PCDH15: variants seen among roughly 807,000 people sequenced by gnomAD.
PCDH15 encodes protocadherin related 15.
PCDH15 carries 129 observed loss-of-function variants against 178.5 expected under a neutral mutation model. The ratio of observed to expected loss-of-function variants is 0.72; its 90% confidence interval spans 0.63 to 0.84. PCDH15 has a LOEUF of 0.84. Ranked by LOEUF, PCDH15 falls within the 40% of genes least tolerant of loss-of-function variation. The pLI is 0.00. For missense variants in PCDH15, 2,230 were observed against 2,099.9 expected (o/e 1.06, Z -1.21); for synonymous variants, 800 against 732.0 (o/e 1.09, Z -1.50).
At chr10:54,912,772 A>G (rs1954839378) in intron 2 of PCDH15, among the ~76,000 whole-genome samples, 1 of 152,182 alleles carries the variant, frequency 6.6e-6, no homozygotes, top group African/African-American at 2.4e-5. Context: ...AAGATGAGGG[A>G]AAGTTTGGAA....
At chr10:55,407,424 C>T (rs934500213) in intron 2 of PCDH15, among the ~76,000 whole-genome samples, 31 of 152,252 alleles carry the variant, frequency 2.0e-4, no homozygotes, top group African/African-American at 7.0e-4. Flanking sequence ...GTATTATAGA[C>T]TCTTCTCTTT....
At chr10:54,657,597 G>A (rs1191125355) in intron 2 of PCDH15, among the ~76,000 whole-genome samples, 2 of 152,026 alleles carry the variant, frequency 1.3e-5, no homozygotes, top group African/African-American at 4.8e-5. Flanking sequence ...ACCATACAAA[G>A]ATTACCCACA....
chr10:55,538,617 TC>T (rs1841663785), intron 2 of PCDH15, among the ~76,000 whole-genome samples: 1 of 50,612 alleles, frequency 2.0e-5, no homozygotes, highest in Non-Finnish European at 3.4e-5. Context: ...CTTCCTTCCT[TC>T]CTCCTTTCCT....
chr10:54,211,875 T>C lies in PCDH15; in HGVS notation c.1098+2061A>G, dbSNP rs576008989. ...TATTCAAGCAGGTGGCACATTATTA[T>C]TACAGTTAGATACCTTTGCTTATTA... is the stretch of plus-strand genomic sequence containing the variant. On this transcript the variant is annotated intron_variant, in intron 10 of 37. Transcript: ENST00000644397. Among the ~76,000 whole-genome samples, 3 of 152,220 alleles carry C rather than the reference T, an allele frequency of 2.0e-5. No individual in the cohort carries two copies. In the South Asian group the frequency reaches 6.2e-4, roughly 32 times the overall value.
At chr10:55,238,807 G>A (rs1841464004) in intron 1 of PCDH15, among the ~76,000 whole-genome samples, 1 of 152,006 alleles carries the variant, frequency 6.6e-6, no homozygotes, top group Admixed American at 6.5e-5. Context: ...AAGGTGTAAT[G>A]ACCAAATTAA....
intron 8 of PCDH15, among the ~76,000 whole-genome samples, chr10:54,256,385 C>T (rs1271837098): frequency 6.6e-6 from 1 of 152,114 alleles, no homozygotes; most frequent in East Asian, 1.9e-4. Flanking sequence ...ATAGGTTGTC[C>T]TAATTAATTA....
chr10:54,266,582 G>A (rs567332195), intron 8 of PCDH15, among the ~76,000 whole-genome samples: 1 of 151,820 alleles, frequency 6.6e-6, no homozygotes, highest in African/African-American at 2.4e-5. Context: ...AAAAAGAGAA[G>A]ATCCAAATAA....
intron 25 of PCDH15, chr10:53,905,139 AT>A (rs1159150254): frequency 5.8e-6 from 3 of 516,812 alleles, no homozygotes; most frequent in Non-Finnish European, 1.2e-5. Flanking sequence ...ATCTTGTGTC[AT>A]TTTTCTCTCA....
intron 2 of PCDH15, among the ~76,000 whole-genome samples, chr10:55,529,557 T>A (rs917727296): frequency 2.6e-5 from 4 of 151,454 alleles, no homozygotes; most frequent in Admixed American, 6.6e-5. Flanking sequence ...TATTTACAAA[T>A]CCATGTGAGA....
At chr10:55,418,965 A>G (rs1205548584) in intron 2 of PCDH15, among the ~76,000 whole-genome samples, 1 of 151,808 alleles carries the variant, frequency 6.6e-6, no homozygotes, top group Non-Finnish European at 1.5e-5. Flanking sequence ...TGAAAACATT[A>G]TAATATCTAC....
At chr10:54,398,896 C>A (rs73251622) in intron 3 of PCDH15, among the ~76,000 whole-genome samples, 1 of 151,940 alleles carries the variant, frequency 6.6e-6, no homozygotes, top group Non-Finnish European at 1.5e-5. Context: ...TGTATACAAA[C>A]CTTAAAGTTC....
At chr10:54,781,020 G>T (rs1035422267) in intron 1 of PCDH15, among the ~76,000 whole-genome samples, 1 of 152,154 alleles carries the variant, frequency 6.6e-6, no homozygotes, top group Non-Finnish European at 1.5e-5. Context: ...ATATGGAGAA[G>T]TTTATCTTGG....
chr10:53,971,928 G>GA (rs2089728154), intron 21 of PCDH15, among the ~76,000 whole-genome samples: 1 of 150,280 alleles, frequency 6.7e-6, no homozygotes, highest in South Asian at 2.1e-4. Flanking sequence ...CACAGAATTG[G>GA]AAAAAACTAC....
At chr10:55,462,008 G>A (rs765494457) in intron 2 of PCDH15, among the ~76,000 whole-genome samples, 1 of 152,158 alleles carries the variant, frequency 6.6e-6, no homozygotes, top group Non-Finnish European at 1.5e-5. Context: ...CCTTCATTAT[G>A]GCTGTGAAAG....
intron 1 of PCDH15, among the ~76,000 whole-genome samples, chr10:54,778,882 A>T (rs1949980368): frequency 6.6e-6 from 1 of 152,150 alleles, no homozygotes; most frequent in African/African-American, 2.4e-5. Flanking sequence ...GCATCAAAGA[A>T]AAAAATACAC....
At chr10:53,842,717 T>G (rs1206673159) in intron 28 of PCDH15, among the ~76,000 whole-genome samples, 1 of 152,226 alleles carries the variant, frequency 6.6e-6, no homozygotes, top group African/African-American at 2.4e-5. Flanking sequence ...CTTCCTTGTC[T>G]CAAATTCATT....
Position 54,664,244 on chromosome 10 carries a change from G to T in PCDH15, c.19C>A (p.Leu7Ile), listed in dbSNP as rs762092314. 38 of 1,611,602 alleles carry T rather than the reference G, an allele frequency of 2.4e-5. No homozygotes were observed. Among genetic ancestry groups the T allele is most frequent in the Admixed American group, 5.0e-5 (3 of 59,734 alleles). MFRQFY[L>I]WTCLASGIIL... is the part of the protein sequence containing the mutation. ...ATCCCTGAAGCTAAACATGTCCAGA[G>T]ATAAAACTGTCGAAACATCTTCTGT... The change falls in exon 2 of 38, where the codon CTC becomes ATC. Residue 7 changes from leucine (L) to isoleucine (I), a missense_variant. Coordinates refer to ENST00000644397, the MANE Select transcript of PCDH15 (RefSeq NM_001384140.1).
At chr10:54,733,996 AAAAC>A (rs1014910381) in intron 1 of PCDH15, among the ~76,000 whole-genome samples, 1 of 151,646 alleles carries the variant, frequency 6.6e-6, no homozygotes, top group African/African-American at 2.4e-5. Flanking sequence ...TTTACAAAAA[AAAAC>A]AAAGAAAATT....
intron 15 of PCDH15, among the ~76,000 whole-genome samples, chr10:54,113,621 G>T (rs4332430): frequency 0.74 from 111,630 of 151,702 alleles, 42,015 homozygotes; most frequent in East Asian, 0.99. Context: ...CTTCTCTACC[G>T]GTCCTTCTCC....
Sources: gnomAD v4.1 joint callset for allele counts (sites outside exome capture counted in the v4.1 genomes callset) on GRCh38, gnomAD v4.1.1 for gene constraint, MANE v1.5 for transcripts, NCBI Gene and HGNC (gene_info 2026-07-23, HGNC 2026-07-21) for gene names.